USP32: variants seen among roughly 807,000 people sequenced by gnomAD.
USP32 encodes ubiquitin carboxyl-terminal hydrolase 32.
Under a neutral mutation model 204.8 loss-of-function variants are expected in USP32, and 59 were observed. That is an observed-to-expected ratio of 0.29 (90% CI 0.23 to 0.36). The LOEUF (loss-of-function observed/expected upper bound fraction) is 0.36, where lower values mean the gene tolerates loss of function less well. USP32 is among the 10% of genes least tolerant of loss of function. USP32 has a pLI of 1.00. For missense variants in USP32, 1,160 were observed against 1,946.4 expected, an observed-to-expected ratio of 0.60 and a Z score of 7.60; for synonymous variants, 517 against 678.4, an observed-to-expected ratio of 0.76 and a Z score of 3.70.
At chr17:60,277,918 CTTTT>C (rs11422765) in intron 5 of USP32, among the ~76,000 whole-genome samples, 2 of 132,704 alleles carry the variant, frequency 1.5e-5, no homozygotes. Flanking sequence ...ATAATAGTTC[CTTTT>C]TTTTTTTTTT....
At position 60,340,631 on chromosome 17, in the gene USP32, A is replaced by C. The variant is rs150377528; in HGVS notation, c.186+4850T>G. Reference sequence around the variant, plus strand: ...GTCTTGACTCTTTATCCAATTTGCCAATCTGTGCCTTTTAATTGGGGCATT... The same window carrying C: ...GTCTTGACTCTTTATCCAATTTGCCCATCTGTGCCTTTTAATTGGGGCATT... On this transcript the variant is annotated intron_variant, in intron 2 of 33. Transcript: ENST00000300896. Among the ~76,000 whole-genome samples, 1,442 of 152,306 alleles carry C rather than the reference A, an allele frequency of 9.5e-3. 33 individuals are homozygous for C. Among genetic ancestry groups the C allele is most frequent in the African/African-American group, 0.033 (1,386 of 41,560 alleles).
intron 26 of USP32, among the ~76,000 whole-genome samples, chr17:60,200,642 A>G (rs1244003444): frequency 6.6e-6 from 1 of 152,196 alleles, no homozygotes; most frequent in African/African-American, 2.4e-5. Flanking sequence ...GAAACAGAAT[A>G]TAGCGAACAC....
chr17:60,302,156 A>T (rs572110258), intron 2 of USP32, among the ~76,000 whole-genome samples: 48 of 150,562 alleles, frequency 3.2e-4, no homozygotes, highest in African/African-American at 1.2e-3. Flanking sequence ...TTTATTTGAG[A>T]TGGAGTTTTG....
intron 9 of USP32, among the ~76,000 whole-genome samples, chr17:60,259,696 TAGG>T (rs1440067239): frequency 6.6e-6 from 1 of 152,220 alleles, no homozygotes; most frequent in Non-Finnish European, 1.5e-5. Flanking sequence ...TGCAAGGTGG[TAGG>T]AGGTGTTCCT....
chr17:60,349,203 T>C (rs1220548217), intron 1 of USP32, among the ~76,000 whole-genome samples: 2 of 151,030 alleles, frequency 1.3e-5, no homozygotes, highest in Non-Finnish European at 3.0e-5. Context: ...TCTAATAGAC[T>C]ACCTGTATAA....
intron 1 of USP32, among the ~76,000 whole-genome samples, chr17:60,410,292 T>A (rs2090007859): frequency 6.6e-6 from 1 of 152,092 alleles, no homozygotes; most frequent in Admixed American, 6.6e-5. Context: ...GAAGACAGCT[T>A]TGACCCCCTA....
At chr17:60,242,200 C>T (rs2085896029) in intron 11 of USP32, among the ~76,000 whole-genome samples, 1 of 152,170 alleles carries the variant, frequency 6.6e-6, no homozygotes, top group South Asian at 2.1e-4. Flanking sequence ...CATACTCACA[C>T]TAAAGCCGTG....
At chr17:60,259,279 T>C (rs1055819158) in intron 9 of USP32, among the ~76,000 whole-genome samples, 23 of 152,186 alleles carry the variant, frequency 1.5e-4, no homozygotes, top group African/African-American at 5.6e-4. Context: ...CATGGCCTTT[T>C]AAAGAGAAGA....
At position 60,183,295 on chromosome 17, in the gene USP32, C is replaced by T; in HGVS notation, c.3993G>A (p.Glu1331=). 1 of 1,613,980 alleles carries T rather than the reference C, an allele frequency of 6.2e-7. No individual in the cohort carries two copies. The highest frequency in any genetic ancestry group is 1.1e-5 in the South Asian group (1 of 91,078). Residue 1331 remains glutamate (E), a synonymous_variant, in exon 31 of 34, where the codon GAG becomes GAA. Transcript: ENST00000300896. ...QHKPLTPQGD[E]LSEPRILARE... The stretch of plus-strand genomic sequence containing the variant: ...TTGCCAGAATCCTGGGCTCAGAGAG[C>T]TCATCCCCCTGGGGTGTGAGTGGTT...
At chr17:60,210,663 T>C (rs557297294) in intron 21 of USP32, among the ~76,000 whole-genome samples, 1 of 152,326 alleles carries the variant, frequency 6.6e-6, no homozygotes, top group African/African-American at 2.4e-5. Flanking sequence ...ATGGATTGGA[T>C]TGGATGTAAT....
intron 16 of USP32, among the ~76,000 whole-genome samples, chr17:60,217,014 C>A (rs1454351044): frequency 1.3e-5 from 2 of 152,078 alleles, no homozygotes; most frequent in Non-Finnish European, 2.9e-5. Flanking sequence ...AAATTTGGAG[C>A]ATCTGAAATA....
chr17:60,345,494 G>A lies in USP32; in HGVS notation c.173C>T (p.Pro58Leu). 1 of 1,614,102 alleles carries A rather than the reference G, an allele frequency of 6.2e-7. No individual in the cohort carries two copies. Among genetic ancestry groups the A allele is most frequent in the Non-Finnish European group, 8.5e-7 (1 of 1,179,998 alleles). ...IREVLGDGVP[P>L]KVAEVIYCSF... is the part of the protein sequence containing the mutation. ...CAAAAAGATTACCTCAGCAACCTTT[G>A]GAGGCACTCCATCCCCAAGCACTTC... The change falls in exon 2 of 34, where the codon CCA becomes CTA. Residue 58 changes from proline (P) to leucine (L), a missense_variant. Pro to Leu is a moderately conservative substitution (Grantham distance 98). Coordinates refer to ENST00000300896, the MANE Select transcript of USP32 (RefSeq NM_032582.4).
intron 2 of USP32, among the ~76,000 whole-genome samples, chr17:60,313,068 T>C (rs1428791867): frequency 1.3e-5 from 2 of 152,140 alleles, no homozygotes; most frequent in East Asian, 1.9e-4. Context: ...CTGGCCAACA[T>C]GGTGAAACCT....
intron 7 of USP32, among the ~76,000 whole-genome samples, chr17:60,267,162 C>G (rs1015472508): frequency 1.3e-5 from 2 of 151,348 alleles, no homozygotes; most frequent in African/African-American, 4.9e-5. Flanking sequence ...AATCCCAGTA[C>G]TTTGGGAGGC....
intron 26 of USP32, among the ~76,000 whole-genome samples, chr17:60,204,724 C>G (rs1248938891): frequency 6.6e-6 from 1 of 152,096 alleles, no homozygotes; most frequent in Non-Finnish European, 1.5e-5. Context: ...CTGCTTCAGC[C>G]TCCCAAAGTG....
intron 27 of USP32, 40 bp from the exon 28 acceptor site, chr17:60,192,970 C>G (rs748291005): frequency 1.2e-6 from 2 of 1,608,088 alleles, no homozygotes; most frequent in East Asian, 4.5e-5. Flanking sequence ...AGAAGCATTT[C>G]TGGTTCGAGG....
chr17:60,421,493 G>C (rs1008324253), intron 1 of USP32: 1 of 985,378 alleles, frequency 1.0e-6, no homozygotes, highest in African/African-American at 1.7e-5. Flanking sequence ...GCCACACTGA[G>C]TGGGGACAAC....
intron 16 of USP32, among the ~76,000 whole-genome samples, chr17:60,216,425 T>C (rs2085105042): frequency 1.3e-5 from 2 of 151,976 alleles, no homozygotes; most frequent in Admixed American, 6.6e-5. Context: ...TATAAACTTA[T>C]CAATATAATG....
chr17:60,277,613 T>G (rs1334645489), intron 5 of USP32, among the ~76,000 whole-genome samples: 2 of 152,226 alleles, frequency 1.3e-5, no homozygotes, highest in Non-Finnish European at 2.9e-5. Context: ...AAATAAATGC[T>G]AAAACAGATA....
Sources: allele counts gnomAD v4.1 joint callset (sites outside exome capture counted in the v4.1 genomes callset), GRCh38; gene constraint gnomAD v4.1.1; transcripts MANE v1.5; gene names NCBI Gene and HGNC (gene_info 2026-07-23, HGNC 2026-07-21).